Variants in CCR6 observed in about 807,000 individuals in gnomAD.
CCR6 encodes the protein C-C motif chemokine receptor 6, also known as C-C chemokine receptor type 6.
A neutral mutation model predicts 3.0 loss-of-function variants in CCR6; 2 were observed. The observed-to-expected ratio is 0.66, with a 90% CI of 0.27 to 2.07. The LOEUF (loss-of-function observed/expected upper bound fraction) is 2.07, where lower values mean the gene tolerates loss of function less well. CCR6 is among the 30% of genes most tolerant of loss of function. The pLI is 0.14. For missense variants in CCR6, 322 were observed against 462.8 expected (o/e 0.70, Z 2.79); for synonymous variants, 193 against 184.3 (o/e 1.05, Z -0.38).
intron 1 of CCR6, among the ~76,000 whole-genome samples, chr6:167,133,733 A>T (rs1421521129): frequency 6.6e-6 from 1 of 151,624 alleles, no homozygotes; most frequent in Admixed American, 6.6e-5. Flanking sequence ...GATAAATTTG[A>T]ACATGAAATG....
At chr6:167,126,181 A>G (rs1194279573) in intron 1 of CCR6, 2 of 152,258 alleles carry the variant, frequency 1.3e-5, no homozygotes, top group Non-Finnish European at 2.9e-5. Flanking sequence ...AGCCTGGGCA[A>G]CATAGCAAGA....
upstream of CCR6, among the ~76,000 whole-genome samples, chr6:167,118,065 C>T (rs561193108): frequency 2.6e-5 from 4 of 151,952 alleles, no homozygotes; most frequent in Non-Finnish European, 5.9e-5. Context: ...AAACATGAGC[C>T]CAACATCCCA....
At chr6:167,126,089 C>G (rs1781664623) in intron 1 of CCR6, 1 of 152,148 alleles carries the variant, frequency 6.6e-6, no homozygotes, top group Non-Finnish European at 1.5e-5. Flanking sequence ...ACTCTAGAGG[C>G]TGAGATGGTA....
At chr6:167,125,060 T>G (rs1203810567) in intron 1 of CCR6, among the ~76,000 whole-genome samples, 1 of 151,904 alleles carries the variant, frequency 6.6e-6, no homozygotes, top group Admixed American at 6.6e-5. Flanking sequence ...TGCAGGCATA[T>G]GCACACTGCA....
At chr6:167,114,999 A>C (rs970971959) in intron 1 of CCR6, 1 of 152,256 alleles carries the variant, frequency 6.6e-6, no homozygotes, top group Admixed American at 6.5e-5. Context: ...TGTTTTAGTA[A>C]ATCAAAAAAT....
At chr6:167,116,329 C>A (rs1781492753) in intron 1 of CCR6, among the ~76,000 whole-genome samples, 1 of 152,210 alleles carries the variant, frequency 6.6e-6, no homozygotes, top group Non-Finnish European at 1.5e-5. Context: ...CGCCCTCGCT[C>A]CCTCTTGGGA....
At chr6:167,121,157 G>T (rs34393102), upstream of CCR6, among the ~76,000 whole-genome samples, 5,612 of 152,318 alleles carry the variant, frequency 0.037, 280 homozygotes, top group African/African-American at 0.11. Context: ...CCCTGCCTCT[G>T]TGCAGTCTAA....
Position 167,136,257 on chromosome 6 carries a change from C to T in CCR6, c.27C>T (p.Ser9=), listed in dbSNP as rs774953497. Reference sequence around the variant, plus strand: ...CTTTCCAGGAATCAATGAATTTCAGCGATGTTTTCGACTCCAGTGAAGATT... The same window carrying T: ...CTTTCCAGGAATCAATGAATTTCAGTGATGTTTTCGACTCCAGTGAAGATT... The part of the protein sequence containing the change: MSGESMNF[S]DVFDSSEDYF... Residue 9 remains serine, a synonymous_variant, in exon 3 of 3, where the codon AGC becomes AGT. Transcript: ENST00000341935. This position sits in a 1 kb window ranked among gnomAD's most constrained non-coding sequence, Gnocchi z 4.6. 3.2e-5 allele frequency: 51 copies of T among 1,605,876 alleles called. 1 individual carries two copies. Among genetic ancestry groups the T allele is most frequent in the South Asian group, 1.3e-4 (12 of 89,900 alleles).
intron 1 of CCR6, among the ~76,000 whole-genome samples, chr6:167,112,858 G>A (rs1261951906): frequency 6.6e-6 from 1 of 152,144 alleles, no homozygotes; most frequent in African/African-American, 2.4e-5. Context: ...ACACTGATGG[G>A]TCTGCTTCAA....
At chr6:167,113,177 C>T (rs2114906899) in intron 1 of CCR6, among the ~76,000 whole-genome samples, 1 of 152,130 alleles carries the variant, frequency 6.6e-6, no homozygotes, top group South Asian at 2.1e-4. Flanking sequence ...GACTCTGCAC[C>T]AAAATAGATA....
At chr6:167,113,795 C>T (rs1020764752) in intron 1 of CCR6, among the ~76,000 whole-genome samples, 5 of 152,174 alleles carry the variant, frequency 3.3e-5, no homozygotes, top group African/African-American at 4.8e-5. Flanking sequence ...AAATATGCAG[C>T]GCATCCTTCA....
At chr6:167,132,157 G>A (rs916348699) in intron 1 of CCR6, among the ~76,000 whole-genome samples, 12 of 152,268 alleles carry the variant, frequency 7.9e-5, no homozygotes, top group African/African-American at 2.6e-4. Flanking sequence ...TGCATTAGTC[G>A]CCCGTTCCTT....
In CCR6 at chr6:167,114,484, C is replaced by G. The variant is rs188904577; in HGVS notation, c.-98+2470C>G. Among the ~76,000 whole-genome samples, 510 of 152,274 alleles carry G rather than the reference C, an allele frequency of 3.3e-3. 8 individuals are homozygous for G. Among genetic ancestry groups the G allele is most frequent in the Non-Finnish European group, 5.7e-3 (387 of 68,026 alleles). On this transcript the variant is annotated intron_variant, in intron 1 of 2. Coordinates refer to the CCR6 transcript ENST00000400926. ...AGAGGCAATTCATAATCACAGTGCA[C>G]TTGGAAACCCTTCTTCCAGGCATAG...
intron 1 of CCR6, among the ~76,000 whole-genome samples, chr6:167,130,350 G>A (rs139659339): frequency 6.6e-5 from 10 of 151,874 alleles, no homozygotes; most frequent in African/African-American, 2.4e-4. Flanking sequence ...ATTAAAGAAG[G>A]AACAGAAATA....
Position 167,136,763 on chromosome 6 carries a change from T to A in CCR6, c.533T>A (p.Ile178Asn), listed in dbSNP as rs372861554. Residue 178 changes from isoleucine to asparagine, a missense_variant, in exon 3 of 3, where the codon ATC becomes AAC. Physicochemically the swap from Ile to Asn is moderately radical, Grantham distance 149 (BLOSUM62 -3). Transcript: ENST00000341935. This position sits in a 1 kb window ranked among gnomAD's most constrained non-coding sequence, Gnocchi z 4.6. ...CLVVWGLSVI[I>N]SSSTFVFNQK... is the part of the protein sequence containing the mutation. The stretch of plus-strand genomic sequence containing the variant: ...GTTGTGTGGGGGCTGTCAGTCATCA[T>A]CTCCAGCTCAACTTTTGTCTTCAAC... The A allele has an allele frequency of 1.2e-6, 2 of 1,613,718 alleles. No homozygotes were observed. The highest frequency in any genetic ancestry group is 3.3e-5 in the Admixed American group (2 of 59,994).
At chr6:167,127,947 A>G (rs961738277) in intron 1 of CCR6, among the ~76,000 whole-genome samples, 5 of 152,352 alleles carry the variant, frequency 3.3e-5, no homozygotes, top group South Asian at 2.1e-4. Flanking sequence ...CCTCATATTC[A>G]CGTTGGCTGT....
chr6:167,119,898 T>G (rs565834343), upstream of CCR6, among the ~76,000 whole-genome samples: 1 of 152,354 alleles, frequency 6.6e-6, no homozygotes, highest in East Asian at 1.9e-4. Flanking sequence ...TGTAGGTTTC[T>G]TCTTCCTGTC....
rs991682085 is a variant in CCR6, at chr6:167,136,841, T to C, written c.611T>C (p.Val204Ala). The C allele has an allele frequency of 3.1e-6, 5 of 1,614,188 alleles. No homozygotes were observed. The highest frequency in any genetic ancestry group is 4.2e-6 in the Non-Finnish European group (5 of 1,180,026). ...SDVCEPKYQT[V>A]SEPIRWKLLM... The stretch of plus-strand genomic sequence containing the variant: ...GTCTGTGAACCCAAGTACCAGACTG[T>C]CTCGGAGCCCATCAGGTGGAAGCTG... Residue 204 changes from valine to alanine, a missense_variant, in exon 3 of 3, where the codon GTC becomes GCC. By Grantham distance (64) the Val-to-Ala change is moderately conservative. Coordinates refer to ENST00000341935, the MANE Select transcript of CCR6 (RefSeq NM_031409.4). This position sits in a 1 kb window ranked among gnomAD's most constrained non-coding sequence, Gnocchi z 4.6.
At position 167,137,151 on chromosome 6, in the gene CCR6, G is replaced by T; in HGVS notation, c.921G>T (p.Leu307=). The T allele has an allele frequency of 1.2e-6, 2 of 1,614,156 alleles. No individual in the cohort carries two copies. Among genetic ancestry groups the T allele is most frequent in the Non-Finnish European group, 1.7e-6 (2 of 1,180,032 alleles). The change falls in exon 3 of 3, where the codon CTG becomes CTT. Residue 307 remains leucine, a synonymous_variant. Transcript: ENST00000341935. This position sits in a 1 kb window ranked among gnomAD's most constrained non-coding sequence, Gnocchi z 4.6. The stretch of plus-strand genomic sequence containing the variant: ...CTGTCACAGAAGTCCTGGCTTTCCT[G>T]CACTGCTGCCTGAACCCTGTGCTCT... ...TKTVTEVLAF[L]HCCLNPVLYA...
Sources: gnomAD v4.1 joint callset for allele counts (sites outside exome capture counted in the v4.1 genomes callset) on GRCh38, gnomAD v4.1.1 for gene constraint, Gnocchi (gnomAD v3.1) non-coding constraint, MANE v1.5 for transcripts, NCBI Gene and HGNC (gene_info 2026-07-23, HGNC 2026-07-21) for gene names.